Variants in LIPK observed in about 807,000 individuals in gnomAD.
LIPK encodes lipase member K.
LIPK carries 32 observed loss-of-function variants against 48.6 expected under a neutral mutation model. That is an observed-to-expected ratio of 0.66 (90% CI 0.50 to 0.88). The LOEUF is 0.88. Among genes scored for constraint, LIPK ranks in the 40% least tolerant of loss-of-function variants. LIPK has a pLI of 0.00. For missense variants in LIPK, 507 were observed against 478.5 expected (o/e 1.06, Z -0.56); for synonymous variants, 164 against 157.4 (o/e 1.04, Z -0.32).
At chr10:88,742,775 A>AC (rs1842702595) in intron 8 of LIPK, among the ~76,000 whole-genome samples, 1 of 151,864 alleles carries the variant, frequency 6.6e-6, no homozygotes, top group Non-Finnish European at 1.5e-5. Flanking sequence ...AAAAAAAAAA[A>AC]GTTTAAGGAT....
At chr10:88,738,612 G>GT (rs1447125855) in intron 7 of LIPK, among the ~76,000 whole-genome samples, 2 of 152,214 alleles carry the variant, frequency 1.3e-5, no homozygotes, top group East Asian at 3.9e-4. Flanking sequence ...AAGGATATAT[G>GT]TAGGTGAGAG....
intron 3 of LIPK, chr10:88,728,716 G>GT (rs1842398792): frequency 2.2e-5 from 7 of 319,464 alleles, no homozygotes; most frequent in South Asian, 2.1e-4. Context: ...AAGACAAGCA[G>GT]TGGCTACCCA....
intron 8 of LIPK, among the ~76,000 whole-genome samples, chr10:88,740,616 TTG>T (rs374068544): frequency 1.3e-5 from 2 of 152,004 alleles, no homozygotes; most frequent in Non-Finnish European, 2.9e-5. Context: ...TTTCTGAGCC[TTG>T]TGTGTGTGTG....
intron 1 of LIPK, among the ~76,000 whole-genome samples, chr10:88,713,205 G>A (rs1334418684): frequency 6.6e-6 from 1 of 152,128 alleles, no homozygotes; most frequent in Non-Finnish European, 1.5e-5. Flanking sequence ...TCCACTTTCT[G>A]TACAACAAAC....
At chr10:88,734,403 T>C (rs890135971) in intron 6 of LIPK, among the ~76,000 whole-genome samples, 1 of 152,124 alleles carries the variant, frequency 6.6e-6, no homozygotes, top group African/African-American at 2.4e-5. Flanking sequence ...TTACTGGAGA[T>C]TTATATTAGT....
chr10:88,707,723 A>G (rs1841961410), intron 1 of LIPK, among the ~76,000 whole-genome samples: 1 of 152,146 alleles, frequency 6.6e-6, no homozygotes, highest in African/African-American at 2.4e-5. Context: ...TCTCAAATCT[A>G]CAATTTTTAG....
At chr10:88,725,211 A>C (rs1428859955) in intron 2 of LIPK, among the ~76,000 whole-genome samples, 1 of 152,244 alleles carries the variant, frequency 6.6e-6, no homozygotes, top group Non-Finnish European at 1.5e-5. Context: ...CGCAAGTTGT[A>C]TCAGAACCAT....
chr10:88,717,880 TG>T (rs1842149578), intron 1 of LIPK, among the ~76,000 whole-genome samples: 1 of 150,130 alleles, frequency 6.7e-6, no homozygotes, highest in African/African-American at 2.5e-5. Context: ...TATTATTTAA[TG>T]TTTTTTTTTT....
intron 8 of LIPK, among the ~76,000 whole-genome samples, chr10:88,740,812 C>A (rs1029947270): frequency 3.9e-5 from 6 of 152,016 alleles, no homozygotes; most frequent in Non-Finnish European, 5.9e-5. Flanking sequence ...TCTGAGACCC[C>A]CCCCCAACCA....
chr10:88,720,859 A>C (rs1842210437), intron 1 of LIPK, among the ~76,000 whole-genome samples: 1 of 152,010 alleles, frequency 6.6e-6, no homozygotes, highest in South Asian at 2.1e-4. Flanking sequence ...GTAGGATGGC[A>C]ATGTGAAAAG....
At chr10:88,743,075 G>A (rs1005050831) in intron 8 of LIPK, among the ~76,000 whole-genome samples, 175 bp from the exon 9 acceptor site, 1 of 152,100 alleles carries the variant, frequency 6.6e-6, no homozygotes, top group African/African-American at 2.4e-5. Context: ...CCAATTCTGT[G>A]AATTACGATA....
intron 1 of LIPK, among the ~76,000 whole-genome samples, chr10:88,720,264 T>A (rs1435302365): frequency 6.6e-6 from 1 of 152,146 alleles, no homozygotes; most frequent in Non-Finnish European, 1.5e-5. Context: ...CTTTCCTTCA[T>A]TATATAGATT....
intron 6 of LIPK, among the ~76,000 whole-genome samples, chr10:88,733,943 TA>T (rs1432629241): frequency 1.3e-5 from 2 of 152,142 alleles, no homozygotes; most frequent in East Asian, 1.9e-4. Flanking sequence ...AAGGAGGTAT[TA>T]GGGGGCAATG....
intron 1 of LIPK, among the ~76,000 whole-genome samples, chr10:88,708,413 G>T (rs1841973285): frequency 6.6e-6 from 1 of 151,934 alleles, no homozygotes; most frequent in Non-Finnish European, 1.5e-5. Flanking sequence ...GTCTTTTGAA[G>T]ACCATACTTT....
At chr10:88,749,999 C>T (rs1842837269) in intron 9 of LIPK, among the ~76,000 whole-genome samples, 1 of 152,040 alleles carries the variant, frequency 6.6e-6, no homozygotes, top group Middle Eastern at 3.2e-3. Flanking sequence ...TAGCAAAGTA[C>T]ATGAACAAAC....
intron 7 of LIPK, 57 bp from the exon 8 acceptor site, chr10:88,739,939 T>G: frequency 9.7e-7 from 1 of 1,025,942 alleles, no homozygotes; most frequent in East Asian, 2.5e-5. Context: ...CTCTCAAATG[T>G]TTACTTGTGG....
At chr10:88,729,260 G>GGGC (rs1233977509) in intron 3 of LIPK, among the ~76,000 whole-genome samples, 1 of 135,992 alleles carries the variant, frequency 7.4e-6, no homozygotes, top group Non-Finnish European at 1.6e-5. Context: ...GTTGGGGGGG[G>GGGC]GGGGCGGGGG....
intron 7 of LIPK, among the ~76,000 whole-genome samples, chr10:88,738,195 C>T (rs1052883430): frequency 6.6e-6 from 1 of 152,050 alleles, no homozygotes; most frequent in South Asian, 2.1e-4. Context: ...CTTCCTTAAC[C>T]CAAAAGGATA....
At chr10:88,716,450 C>G (rs889663635) in intron 1 of LIPK, among the ~76,000 whole-genome samples, 1 of 98,290 alleles carries the variant, frequency 1.0e-5, no homozygotes, top group Non-Finnish European at 1.9e-5. Flanking sequence ...CTCTGCCTCT[C>G]GGGTTCAAGT....
Sources: gnomAD v4.1 joint callset for allele counts (sites outside exome capture counted in the v4.1 genomes callset) on GRCh38, gnomAD v4.1.1 for gene constraint, MANE v1.5 for transcripts, NCBI Gene and HGNC (gene_info 2026-07-23, HGNC 2026-07-21) for gene names.